KCNQ3: variants seen among roughly 807,000 people sequenced by gnomAD.
The protein encoded by KCNQ3 is potassium voltage-gated channel subfamily Q member 3, also known as potassium voltage-gated channel subfamily KQT member 3.
In KCNQ3, 30 loss-of-function variants were observed where a neutral mutation model predicts 92.5. That is an observed-to-expected ratio of 0.32 (90% CI 0.24 to 0.44). The LOEUF is 0.44. Ranked by LOEUF, KCNQ3 falls within the 20% of genes least tolerant of loss-of-function variation. The pLI is 1.00. For synonymous variants in KCNQ3, 450 were observed against 468.8 expected, an observed-to-expected ratio of 0.96 and a Z score of 0.52; for missense variants, 913 against 1,140.3, an observed-to-expected ratio of 0.80 and a Z score of 2.87.
chr8:132,435,554 T>C (rs1380381369), intron 1 of KCNQ3, among the ~76,000 whole-genome samples: 3 of 152,202 alleles, frequency 2.0e-5, no homozygotes, highest in African/African-American at 7.2e-5. Flanking sequence ...ATGTTTGTTA[T>C]CTCTGCTTTA....
At chr8:132,306,936 C>T (rs867416865) in intron 1 of KCNQ3, among the ~76,000 whole-genome samples, 1 of 152,130 alleles carries the variant, frequency 6.6e-6, no homozygotes, top group East Asian at 1.9e-4. Flanking sequence ...CAGACCAAGA[C>T]AGAATACAAA....
At chr8:132,331,372 CT>C in intron 1 of KCNQ3, among the ~76,000 whole-genome samples, 1 of 152,332 alleles carries the variant, frequency 6.6e-6, no homozygotes. Flanking sequence ...GAGGATCACC[CT>C]TGAGGGCTGA....
At chr8:132,252,437 C>A (rs1384543833) in intron 1 of KCNQ3, among the ~76,000 whole-genome samples, 1 of 152,148 alleles carries the variant, frequency 6.6e-6, no homozygotes, top group Non-Finnish European at 1.5e-5. Flanking sequence ...GTCTCGCTAA[C>A]TTCAGGACAG....
chr8:132,331,576 C>T (rs1394688282), intron 1 of KCNQ3, among the ~76,000 whole-genome samples: 1 of 152,140 alleles, frequency 6.6e-6, no homozygotes, highest in Non-Finnish European at 1.5e-5. Flanking sequence ...CCCCTCCCCT[C>T]TTCTCTTCTG....
At chr8:132,255,590 T>C (rs1237446649) in intron 1 of KCNQ3, among the ~76,000 whole-genome samples, 1 of 152,170 alleles carries the variant, frequency 6.6e-6, no homozygotes, top group Admixed American at 6.5e-5. Context: ...CTCTCACCTT[T>C]TGATGATTTT....
In KCNQ3 at chr8:132,134,380, A is replaced by G. The variant is rs199999939; in HGVS notation, c.1709T>C (p.Met570Thr). 3.5e-5 allele frequency: 57 copies of G among 1,610,046 alleles called. 1 individual carries two copies. Among genetic ancestry groups the G allele is most frequent in the Non-Finnish European group, 4.7e-5 (55 of 1,176,444 alleles). ...RIKYLQTRID[M>T]IFTPGPPSTP... The stretch of plus-strand genomic sequence containing the variant: ...GGAGGGAGGTCCAGGGGTGAAAATC[A>G]TATCTATTCTGAAAGAAACAAACAG... The change falls in exon 13 of 15, where the codon ATG becomes ACG. Residue 570 changes from methionine (M) to threonine (T), a missense_variant. Physicochemically the swap from Met to Thr is moderately conservative, Grantham distance 81. Transcript: ENST00000388996.
chr8:132,413,342 C>T (rs1317830011), intron 1 of KCNQ3, among the ~76,000 whole-genome samples: 1 of 152,194 alleles, frequency 6.6e-6, no homozygotes, highest in Non-Finnish European at 1.5e-5. Flanking sequence ...CCTTCTTCAC[C>T]TACGTTATTT....
intron 1 of KCNQ3, among the ~76,000 whole-genome samples, chr8:132,306,719 G>T (rs1817435626): frequency 1.3e-5 from 2 of 152,228 alleles, no homozygotes; most frequent in South Asian, 4.1e-4. Flanking sequence ...GGATGTAGCG[G>T]TAAACTTAGA....
intron 1 of KCNQ3, among the ~76,000 whole-genome samples, chr8:132,211,350 A>T (rs536698006): frequency 1.3e-5 from 2 of 152,338 alleles, no homozygotes; most frequent in South Asian, 2.1e-4. Flanking sequence ...GCTATTTTAC[A>T]ACTCTGTAAA....
intron 9 of KCNQ3, 22 bp downstream of exon 9, chr8:132,163,446 G>A (rs746932632): frequency 5.6e-6 from 9 of 1,602,028 alleles, no homozygotes; most frequent in African/African-American, 1.3e-5. Context: ...GTGAAGAAGG[G>A]AATTCATAAT....
intron 1 of KCNQ3, among the ~76,000 whole-genome samples, chr8:132,428,346 C>A (rs12542913): frequency 6.6e-6 from 1 of 152,170 alleles, no homozygotes; most frequent in Admixed American, 6.5e-5. Context: ...TGTAGCCAGA[C>A]AAAAATTCTT....
At chr8:132,179,320 C>G (rs1406505128) in intron 4 of KCNQ3, among the ~76,000 whole-genome samples, 1 of 151,992 alleles carries the variant, frequency 6.6e-6, no homozygotes, top group East Asian at 1.9e-4. Flanking sequence ...AGTTCCATCC[C>G]TCCTGGATTC....
At chr8:132,175,988 G>C (rs979448397) in intron 4 of KCNQ3, among the ~76,000 whole-genome samples, 1 of 152,136 alleles carries the variant, frequency 6.6e-6, no homozygotes, top group Non-Finnish European at 1.5e-5. Context: ...CAAGGAGAAA[G>C]CTCGGTACAA....
intron 1 of KCNQ3, among the ~76,000 whole-genome samples, chr8:132,373,397 T>C (rs1054942189): frequency 1.3e-5 from 2 of 152,206 alleles, no homozygotes; most frequent in African/African-American, 2.4e-5. Flanking sequence ...GATATTAATA[T>C]GACATACTAA....
At chr8:132,403,864 T>A (rs928065222) in intron 1 of KCNQ3, among the ~76,000 whole-genome samples, 1 of 152,202 alleles carries the variant, frequency 6.6e-6, no homozygotes, top group African/African-American at 2.4e-5. Context: ...ATTTTATTCA[T>A]CCTTGGGAAA....
intron 1 of KCNQ3, among the ~76,000 whole-genome samples, chr8:132,331,980 C>G (rs909840776): frequency 3.3e-5 from 5 of 152,214 alleles, no homozygotes; most frequent in African/African-American, 1.2e-4. Flanking sequence ...TGCCTCCTGA[C>G]AGTCACACCC....
At chr8:132,134,153 G>C (rs1824982549) in intron 13 of KCNQ3, 137 bp downstream of exon 13, 8 of 724,938 alleles carry the variant, frequency 1.1e-5, no homozygotes. Context: ...ACTGAAACAA[G>C]CTTCAAACTC....
intron 1 of KCNQ3, among the ~76,000 whole-genome samples, chr8:132,377,305 T>C (rs1819637018): frequency 6.6e-6 from 1 of 152,190 alleles, no homozygotes; most frequent in Non-Finnish European, 1.5e-5. Context: ...GCTAAACCAC[T>C]GGCTTCCCTG....
intron 1 of KCNQ3, among the ~76,000 whole-genome samples, chr8:132,275,739 G>A (rs908840421): frequency 3.3e-5 from 5 of 152,198 alleles, no homozygotes; most frequent in South Asian, 2.1e-4. Flanking sequence ...CACCAGGCCC[G>A]GCTAATTTTT....
Sources: allele counts gnomAD v4.1 joint callset (sites outside exome capture counted in the v4.1 genomes callset), GRCh38; gene constraint gnomAD v4.1.1; transcripts MANE v1.5; gene names NCBI Gene and HGNC (gene_info 2026-07-23, HGNC 2026-07-21).